Variants in ZFPM2 observed in about 807,000 individuals in gnomAD.
The protein encoded by ZFPM2 is zinc finger protein, FOG family member 2.
A neutral mutation model predicts 98.6 loss-of-function variants in ZFPM2; 20 were observed. That is an observed-to-expected ratio of 0.20 (90% CI 0.14 to 0.29). The LOEUF (loss-of-function observed/expected upper bound fraction) is 0.29, where lower values mean the gene tolerates loss of function less well. Ranked by LOEUF, ZFPM2 falls within the 10% of genes least tolerant of loss-of-function variation. The pLI is 1.00. For synonymous variants in ZFPM2, 518 were observed against 502.7 expected (o/e 1.03, Z -0.41); for missense variants, 1,310 against 1,388.6 (o/e 0.94, Z 0.90).
chr8:105,802,174 C>T lies in ZFPM2; in HGVS notation c.2092C>T (p.Arg698Trp), dbSNP rs375403029. The part of the protein sequence containing the change: ...TCEACNITFS[R>W]HETYMVHKQY... ...TGAAGCTTGCAACATTACCTTCAGC[C>T]GGCACGAAACATACATGGTCCACAA... Residue 698 changes from arginine to tryptophan, a missense_variant, in exon 8 of 8, where the codon CGG becomes TGG. Transcript: ENST00000407775. 6 of 1,613,790 alleles carry T rather than the reference C, an allele frequency of 3.7e-6. No individual in the cohort carries two copies. Among genetic ancestry groups the T allele is most frequent in the African/African-American group, 2.7e-5 (2 of 74,904 alleles).
intron 5 of ZFPM2, among the ~76,000 whole-genome samples, chr8:105,691,361 G>T (rs1405576219): frequency 1.4e-4 from 19 of 138,030 alleles, no homozygotes; most frequent in African/African-American, 5.4e-4. Flanking sequence ...CCATTCTCCT[G>T]CCTCAGCCTC....
intron 4 of ZFPM2, among the ~76,000 whole-genome samples, chr8:105,612,316 G>T (rs1293252036): frequency 6.6e-6 from 1 of 151,870 alleles, no homozygotes; most frequent in Non-Finnish European, 1.5e-5. Context: ...CATTATAAAA[G>T]TGCATTGGTT....
chr8:105,741,851 A>C (rs1018274557), intron 5 of ZFPM2, among the ~76,000 whole-genome samples: 3 of 152,086 alleles, frequency 2.0e-5, no homozygotes, highest in African/African-American at 7.2e-5. Flanking sequence ...GGAATGAACA[A>C]GATACAGGTT....
intron 1 of ZFPM2, among the ~76,000 whole-genome samples, chr8:105,380,615 A>G (rs13270998): frequency 5.5e-5 from 3 of 54,070 alleles, no homozygotes; most frequent in African/African-American, 7.9e-5. Flanking sequence ...ATATATATAT[A>G]TTATATATAA....
At chr8:105,706,437 CTA>C (rs1385737072) in intron 5 of ZFPM2, among the ~76,000 whole-genome samples, 1 of 152,126 alleles carries the variant, frequency 6.6e-6, no homozygotes, top group Non-Finnish European at 1.5e-5. Context: ...AAGGATTACT[CTA>C]AAACAATATA....
intron 3 of ZFPM2, among the ~76,000 whole-genome samples, chr8:105,447,194 C>A (rs1812391716): frequency 6.6e-6 from 1 of 151,126 alleles, no homozygotes. Flanking sequence ...CTACTATATA[C>A]CCACAAAAAT....
intron 5 of ZFPM2, among the ~76,000 whole-genome samples, chr8:105,743,274 C>A (rs1443064071): frequency 1.3e-5 from 2 of 151,774 alleles, no homozygotes. Context: ...AGGTTTGGGG[C>A]AACTGGTGGA....
chr8:105,519,122 T>C lies in ZFPM2; in HGVS notation c.302-42241T>C, dbSNP rs115893689. Among the ~76,000 whole-genome samples the C allele has an allele frequency of 4.6e-3, 704 of 152,300 alleles. 6 individuals carry two copies. Among genetic ancestry groups the C allele is most frequent in the African/African-American group, 0.016 (667 of 41,580 alleles). On this transcript the variant is annotated intron_variant, in intron 3 of 7. Coordinates refer to ENST00000407775, the MANE Select transcript of ZFPM2 (RefSeq NM_012082.4). ...GTGTACAAACAGCATCTCCATTTTATATGTGAAAAATACTGAGGTTAAATA... is the reference window on the plus strand; with the variant it reads ...GTGTACAAACAGCATCTCCATTTTACATGTGAAAAATACTGAGGTTAAATA...
intron 3 of ZFPM2, among the ~76,000 whole-genome samples, chr8:105,444,597 C>T (rs184849223): frequency 6.6e-6 from 1 of 152,146 alleles, no homozygotes; most frequent in East Asian, 1.9e-4. Flanking sequence ...AAGTTTCTGT[C>T]ATTTTTTTCT....
chr8:105,534,097 CCCTTCCTCCCTT>C (rs1202109525), intron 3 of ZFPM2, among the ~76,000 whole-genome samples: 18 of 21,932 alleles, frequency 8.2e-4, no homozygotes, highest in Middle Eastern at 0.033. Flanking sequence ...CTCCCTCCCT[CCCTTCCTCCCTT>C]CCTTCCTCCC....
chr8:105,409,518 A>G (rs1756713439), intron 1 of ZFPM2, among the ~76,000 whole-genome samples: 1 of 151,942 alleles, frequency 6.6e-6, no homozygotes, highest in African/African-American at 2.4e-5. Context: ...GCCACTTATC[A>G]GGATTTGTCC....
At chr8:105,675,973 C>T (rs1432124520) in intron 5 of ZFPM2, 1 of 152,158 alleles carries the variant, frequency 6.6e-6, no homozygotes, top group Non-Finnish European at 1.5e-5. Context: ...ATACAGGTTT[C>T]CGTGGCTTGA....
intron 4 of ZFPM2, among the ~76,000 whole-genome samples, chr8:105,564,793 A>G (rs962896950): frequency 4.6e-5 from 7 of 151,972 alleles, no homozygotes; most frequent in Non-Finnish European, 7.4e-5. Flanking sequence ...AAAATTAGAA[A>G]TATACCTTTT....
chr8:105,549,712 A>G (rs1303328379), intron 3 of ZFPM2, among the ~76,000 whole-genome samples: 1 of 151,318 alleles, frequency 6.6e-6, no homozygotes, highest in Non-Finnish European at 1.5e-5. Flanking sequence ...CCTGGGCTTA[A>G]GCGATCCCCC....
chr8:105,361,289 T>C (rs1168299510), intron 1 of ZFPM2, among the ~76,000 whole-genome samples: 1 of 147,606 alleles, frequency 6.8e-6, no homozygotes, highest in Non-Finnish European at 1.5e-5. Context: ...GAAGTGTCTG[T>C]TCATATCCTT....
rs1447847524 is a variant in ZFPM2, at chr8:105,694,826, G to C, written c.532+60469G>C. Among the ~76,000 whole-genome samples the C allele has an allele frequency of 4.6e-5, 7 of 152,180 alleles. No homozygotes were observed. The East Asian group carries it at 1.4e-3, about 29-fold the overall frequency. On this transcript the variant is annotated intron_variant, in intron 5 of 7. Coordinates refer to ENST00000407775, the MANE Select transcript of ZFPM2 (RefSeq NM_012082.4). The stretch of plus-strand genomic sequence containing the variant: ...TTTAAGAAATTTCAATTACTATTAA[G>C]ATGTTTTCCTATTTCTTTACATTAA...
At chr8:105,555,308 G>A (rs1814960681) in intron 3 of ZFPM2, among the ~76,000 whole-genome samples, 1 of 152,006 alleles carries the variant, frequency 6.6e-6, no homozygotes, top group South Asian at 2.1e-4. Flanking sequence ...TATGAACTGG[G>A]CAGAGAAGAA....
intron 4 of ZFPM2, among the ~76,000 whole-genome samples, chr8:105,563,579 A>G (rs763141287): frequency 6.6e-6 from 1 of 152,182 alleles, no homozygotes; most frequent in Non-Finnish European, 1.5e-5. Flanking sequence ...CAGTTGATTG[A>G]GTTGTATTAA....
At chr8:105,649,140 A>G (rs1311921756) in intron 5 of ZFPM2, among the ~76,000 whole-genome samples, 1 of 152,152 alleles carries the variant, frequency 6.6e-6, no homozygotes, top group Non-Finnish European at 1.5e-5. Flanking sequence ...CTTTGAAGCA[A>G]TTGTGAATGG....
Sources: gnomAD v4.1 joint callset for allele counts (sites outside exome capture counted in the v4.1 genomes callset) on GRCh38, gnomAD v4.1.1 for gene constraint, MANE v1.5 for transcripts, NCBI Gene and HGNC (gene_info 2026-07-23, HGNC 2026-07-21) for gene names.